Variants in KLHDC1 observed in about 807,000 individuals in gnomAD.
KLHDC1 encodes kelch domain-containing protein 1.
KLHDC1 carries 53 observed loss-of-function variants against 68.3 expected under a neutral mutation model. That is an observed-to-expected ratio of 0.78 (90% CI 0.62 to 0.98). The LOEUF (loss-of-function observed/expected upper bound fraction) is 0.98, where lower values mean the gene tolerates loss of function less well. Among genes scored for constraint, KLHDC1 ranks in the 50% least tolerant of loss-of-function variants. The pLI, the probability that KLHDC1 is intolerant of heterozygous loss-of-function variation, is 0.00. For missense variants in KLHDC1, 470 were observed against 492.3 expected (o/e 0.95, Z 0.43); for synonymous variants, 148 against 159.0 (o/e 0.93, Z 0.52).
chr14:49,715,892 C>T (rs1296952967), intron 4 of KLHDC1, among the ~76,000 whole-genome samples: 1 of 151,224 alleles, frequency 6.6e-6, no homozygotes, highest in Non-Finnish European at 1.5e-5. Context: ...TTTGTTTTCT[C>T]ATTTAAATAC....
intron 4 of KLHDC1, among the ~76,000 whole-genome samples, chr14:49,717,875 A>G (rs1888420586): frequency 6.6e-6 from 1 of 151,752 alleles, no homozygotes; most frequent in Admixed American, 6.6e-5. Context: ...TTTTTTCTTG[A>G]GATATAATTT....
At chr14:49,703,060 A>G (rs1266816446) in intron 1 of KLHDC1, among the ~76,000 whole-genome samples, 1 of 149,728 alleles carries the variant, frequency 6.7e-6, no homozygotes, top group Non-Finnish European at 1.5e-5. Flanking sequence ...TATTTACTTA[A>G]TTTTTGAATT....
Position 49,732,682 on chromosome 14 carries a change from T to C in KLHDC1, c.711-22T>C, listed in dbSNP as rs373491156. ...ATTTTGATTAATATAGTACCTAGAC[T>C]TTCTTTTTCTCCTTGCCACAGGATT... On this transcript the variant is annotated intron_variant, in intron 8 of 12. Transcript: ENST00000359332. 1.3e-4 allele frequency: 166 copies of C among 1,233,952 alleles called. No homozygotes were observed. In the African/African-American group the frequency reaches 2.4e-3, roughly 18 times the overall value. The allele number at this position is 1,233,952 out of a possible 1,614,324, so 76.4% of individuals were successfully genotyped here.
At chr14:49,733,026 G>T (rs1188292261) in intron 9 of KLHDC1, among the ~76,000 whole-genome samples, 1 of 152,160 alleles carries the variant, frequency 6.6e-6, no homozygotes, top group East Asian at 1.9e-4. Context: ...AGAAGAGGAA[G>T]GGTGATTGAA....
At chr14:49,713,823 TATATATA>T (rs1888282491) in intron 4 of KLHDC1, among the ~76,000 whole-genome samples, 2 of 3,796 alleles carry the variant, frequency 5.3e-4, no homozygotes, top group Non-Finnish European at 1.9e-3. Context: ...TATATATATA[TATATATA>T]TATATATATA....
chr14:49,705,126 AAG>A (rs1888013808), intron 1 of KLHDC1, among the ~76,000 whole-genome samples: 2 of 152,140 alleles, frequency 1.3e-5, no homozygotes, highest in African/African-American at 4.8e-5. Flanking sequence ...CAAACTCTGA[AAG>A]AGTACTATAA....
chr14:49,737,271 C>A (rs1273395916), intron 10 of KLHDC1, among the ~76,000 whole-genome samples: 1 of 152,144 alleles, frequency 6.6e-6, no homozygotes, highest in African/African-American at 2.4e-5. Context: ...AGTTGGAGAA[C>A]TGGGCAGAGT....
At chr14:49,713,326 G>C (rs886458058) in intron 4 of KLHDC1, among the ~76,000 whole-genome samples, 1 of 152,120 alleles carries the variant, frequency 6.6e-6, no homozygotes, top group Non-Finnish European at 1.5e-5. Flanking sequence ...AAGCACCGAT[G>C]ATTGCTGCCT....
chr14:49,726,705 G>A lies in KLHDC1; in HGVS notation c.567+936G>A, dbSNP rs540578846. On this transcript the variant is annotated intron_variant, in intron 6 of 12. Transcript: ENST00000359332. ...AGCAATAATGAATTCTCACATAGCTGGAAATCATATTGGAATGGCACACAA... is the reference window on the plus strand; with the variant it reads ...AGCAATAATGAATTCTCACATAGCTAGAAATCATATTGGAATGGCACACAA... Among the ~76,000 whole-genome samples the A allele has an allele frequency of 3.9e-5, 6 of 152,234 alleles. No homozygotes were observed. In the South Asian group the frequency reaches 1.2e-3, roughly 32 times the overall value.
At chr14:49,693,332 A>G (rs763253524) in intron 1 of KLHDC1, 42 bp downstream of exon 1, 10 of 1,316,070 alleles carry the variant, frequency 7.6e-6, no homozygotes, top group Non-Finnish European at 9.0e-6. Flanking sequence ...GCGCCGGGAG[A>G]CCCTCGGCCT....
intron 9 of KLHDC1, among the ~76,000 whole-genome samples, chr14:49,733,929 A>T (rs1888874720): frequency 6.6e-6 from 1 of 152,168 alleles, no homozygotes; most frequent in Admixed American, 6.6e-5. Context: ...CTAGTAGGAG[A>T]TGTTAGTTAT....
In KLHDC1 at chr14:49,751,657, T is replaced by G; in HGVS notation, c.1106T>G (p.Leu369Arg). Reference protein sequence around the residue: ...ESQISLLPPKLLQQVLKKITF... With the variant: ...ESQISLLPPKRLQQVLKKITF... Reference sequence around the variant, plus strand: ...CAGATATCTTTATTACCTCCTAAACTTCTGCAACAAGTACTCAAAAAAATA... The same window carrying G: ...CAGATATCTTTATTACCTCCTAAACGTCTGCAACAAGTACTCAAAAAAATA... The change falls in exon 13 of 13, where the codon CTT becomes CGT. Residue 369 changes from leucine to arginine, a missense_variant. Physicochemically the swap from Leu to Arg is moderately radical, Grantham distance 102. Transcript: ENST00000359332. The G allele has an allele frequency of 6.2e-7, 1 of 1,606,656 alleles. No homozygotes were observed. The highest frequency in any genetic ancestry group is 8.5e-7 in the Non-Finnish European group (1 of 1,175,010).
chr14:49,711,910 C>CTTTTTTTTTT (rs992092493), intron 4 of KLHDC1, among the ~76,000 whole-genome samples: 14 of 76,612 alleles, frequency 1.8e-4, no homozygotes, highest in South Asian at 4.4e-4. Flanking sequence ...TTTTCTTTTT[C>CTTTTTTTTTT]TTTTTTTTTT....
chr14:49,704,484 C>T (rs1887996791), intron 1 of KLHDC1, among the ~76,000 whole-genome samples: 1 of 142,348 alleles, frequency 7.0e-6, no homozygotes, highest in African/African-American at 2.6e-5. Context: ...ACCTCTGCCT[C>T]CCAGGCTCAA....
intron 1 of KLHDC1, among the ~76,000 whole-genome samples, chr14:49,705,828 T>A (rs1197948254): frequency 2.0e-5 from 3 of 152,212 alleles, no homozygotes; most frequent in African/African-American, 7.2e-5. Flanking sequence ...TTATGTTTTT[T>A]CACTGATTGA....
At chr14:49,719,621 A>G (rs1299004138) in intron 4 of KLHDC1, among the ~76,000 whole-genome samples, 2 of 151,546 alleles carry the variant, frequency 1.3e-5, no homozygotes, top group Non-Finnish European at 2.9e-5. Flanking sequence ...TATTTTTTGT[A>G]GAGACAGGGT....
chr14:49,734,664 A>G lies in KLHDC1; in HGVS notation c.896+3A>G, dbSNP rs749843409. 5 of 1,534,220 alleles carry G rather than the reference A, an allele frequency of 3.3e-6. No homozygotes were observed. In the East Asian group the frequency reaches 9.1e-5, roughly 28 times the overall value. ...CATTTACCTAAAACAAGACCTAGGT[A>G]AGTCAAGAAATTGACAAATAGTAAA... On this transcript the variant is annotated splice_donor_region_variant and intron_variant, in intron 10 of 12. Transcript: ENST00000359332.
At chr14:49,693,493 A>C (rs1420226330) in intron 1 of KLHDC1, among the ~76,000 whole-genome samples, 1 of 151,698 alleles carries the variant, frequency 6.6e-6, no homozygotes, top group African/African-American at 2.4e-5. Context: ...TCTTCTATTA[A>C]AGCCTCAGAC....
chr14:49,727,254 CA>C (rs201626506), intron 6 of KLHDC1, among the ~76,000 whole-genome samples: 2,626 of 138,784 alleles, frequency 0.019, 55 homozygotes, highest in African/African-American at 0.057. Flanking sequence ...CCGTCTGTAC[CA>C]AAAAAAAAAA....
Sources: gnomAD v4.1 joint callset for allele counts (sites outside exome capture counted in the v4.1 genomes callset) on GRCh38, gnomAD v4.1.1 for gene constraint, MANE v1.5 for transcripts, NCBI Gene and HGNC (gene_info 2026-07-23, HGNC 2026-07-21) for gene names.